TMEM62: variants seen among roughly 807,000 people sequenced by gnomAD.
The protein encoded by TMEM62 is transmembrane protein 62.
Under a neutral mutation model 70.4 loss-of-function variants are expected in TMEM62, and 41 were observed. That is an observed-to-expected ratio of 0.58 (90% CI 0.45 to 0.76). TMEM62 has a LOEUF of 0.76. Among genes scored for constraint, TMEM62 ranks in the 30% least tolerant of loss-of-function variants. The pLI is 0.00. For synonymous variants in TMEM62, 268 were observed against 291.0 expected (o/e 0.92, Z 0.80); for missense variants, 688 against 788.5 (o/e 0.87, Z 1.53).
At chr15:43,161,507 T>C (rs527539220) in intron 10 of TMEM62, among the ~76,000 whole-genome samples, 3 of 152,234 alleles carry the variant, frequency 2.0e-5, no homozygotes, top group East Asian at 3.9e-4. Context: ...AATTTAGAAA[T>C]AAAGTTAAAT....
At chr15:43,138,409 G>C (rs2035531335) in intron 3 of TMEM62, among the ~76,000 whole-genome samples, 165 bp from the exon 4 acceptor site, 3 of 152,116 alleles carry the variant, frequency 2.0e-5, no homozygotes, top group African/African-American at 7.2e-5. Flanking sequence ...CCCTCTCCTA[G>C]TCCTCCCACT....
At position 43,163,282 on chromosome 15, in the gene TMEM62, G is replaced by A. The variant is rs902860428; in HGVS notation, c.1296+2488G>A. Among the ~76,000 whole-genome samples, 16 of 151,784 alleles carry A rather than the reference G, an allele frequency of 1.1e-4. 1 individual carries two copies. The highest frequency in any genetic ancestry group is 3.8e-4 in the East Asian group (2 of 5,196). On this transcript the variant is annotated intron_variant, in intron 10 of 13. Coordinates refer to ENST00000260403, the MANE Select transcript of TMEM62 (RefSeq NM_024956.4). ...AGATAGGTTTAGTGTATATTCTCACGGACTTAAAATGTGAGATCATTATTA... is the reference window on the plus strand; with the variant it reads ...AGATAGGTTTAGTGTATATTCTCACAGACTTAAAATGTGAGATCATTATTA...
chr15:43,137,028 C>T (rs2035321994), intron 3 of TMEM62, among the ~76,000 whole-genome samples: 2 of 152,148 alleles, frequency 1.3e-5, no homozygotes, highest in African/African-American at 2.4e-5. Context: ...GCTGGGATTA[C>T]AGGTGTGAGT....
chr15:43,175,738 C>G (rs1246030058), intron 11 of TMEM62, among the ~76,000 whole-genome samples: 2 of 152,238 alleles, frequency 1.3e-5, no homozygotes, highest in East Asian at 1.9e-4. Flanking sequence ...CCGGTCTACA[C>G]CTCCCAGCGT....
At chr15:43,167,650 A>T (rs2039672755) in intron 10 of TMEM62, among the ~76,000 whole-genome samples, 1 of 146,400 alleles carries the variant, frequency 6.8e-6, no homozygotes, top group African/African-American at 2.6e-5. Flanking sequence ...CTGGGCAGCC[A>T]GGCAGAGGGG....
rs1433518459 is a variant in TMEM62 at position 43,154,848 on chromosome 15, T to C, written c.1182+17T>C. 1.3e-6 allele frequency: 2 copies of C among 1,571,332 alleles called. No homozygotes were observed. The highest frequency in any genetic ancestry group is 1.9e-5 in the Admixed American group (1 of 53,016). ...ATCGTCCAGGTAAGTTAGTAATTTATATTTACTATGTAAATGATTAAGCTG... is the reference window on the plus strand; with the variant it reads ...ATCGTCCAGGTAAGTTAGTAATTTACATTTACTATGTAAATGATTAAGCTG... On this transcript the variant is annotated intron_variant, in intron 9 of 13. Coordinates refer to ENST00000260403, the MANE Select transcript of TMEM62 (RefSeq NM_024956.4).
In TMEM62 at chr15:43,184,752, C is replaced by G; in HGVS notation, c.*166C>G. ...TTGGAGGGATTACCCACTACTGATA[C>G]CTGCAGAATGGACTGCAGAAAAGTC... On this transcript the variant is annotated 3_prime_UTR_variant, in exon 14 of 14. Transcript: ENST00000260403. 1 of 617,812 alleles carries G rather than the reference C, an allele frequency of 1.6e-6. No homozygotes were observed. The highest frequency in any genetic ancestry group is 2.8e-6 in the Non-Finnish European group (1 of 353,594). 38.3% of individuals were successfully genotyped at this position (617,812 alleles called of 1,614,324 possible). A position where few individuals can be genotyped will look rare whatever the true frequency, so the allele number is the denominator to read the frequency against.
chr15:43,161,788 G>A (rs1567213444), intron 10 of TMEM62, among the ~76,000 whole-genome samples: 1 of 152,004 alleles, frequency 6.6e-6, no homozygotes, highest in Non-Finnish European at 1.5e-5. Context: ...AGCCTCCTGA[G>A]TAGCTGGGAT....
rs144558639 is a variant in TMEM62, at chr15:43,175,902, A to G, written c.1382-2705A>G. On this transcript the variant is annotated intron_variant, in intron 11 of 13. Transcript: ENST00000260403. Reference sequence around the variant, plus strand: ...AGGCATTGCCTCACTCGGGAAGCGCAAGGGGTCGGGGAGTTCCCTTTCCTA... The same window carrying G: ...AGGCATTGCCTCACTCGGGAAGCGCGAGGGGTCGGGGAGTTCCCTTTCCTA... 9.0e-3 allele frequency among the ~76,000 whole-genome samples: 1,376 copies of G among 152,306 alleles called. 24 individuals carry two copies. The highest frequency in any genetic ancestry group is 0.032 in the African/African-American group (1,314 of 41,572).
In TMEM62 at chr15:43,184,813, G is replaced by A; in HGVS notation, c.*227G>A. ...TGCCTTTATTCCTTCCCTCCCTAAG[G>A]AGGCAAAGAGTTGATTTACCTTTGT... On this transcript the variant is annotated 3_prime_UTR_variant, in exon 14 of 14. Coordinates refer to ENST00000260403, the MANE Select transcript of TMEM62 (RefSeq NM_024956.4). The A allele has an allele frequency of 3.5e-6, 2 of 567,132 alleles. No homozygotes were observed. Among genetic ancestry groups the A allele is most frequent in the East Asian group, 2.9e-5 (1 of 34,912 alleles). The allele number at this position is 567,132 out of a possible 1,614,324, so 35.1% of individuals were successfully genotyped here. A position where few individuals can be genotyped will look rare whatever the true frequency, so the allele number is the denominator to read the frequency against.
rs778908253 is a variant in TMEM62, at chr15:43,151,950, G to A, written c.1022+5G>A. On this transcript the variant is annotated splice_donor_5th_base_variant and intron_variant, in intron 8 of 13. Transcript: ENST00000260403. ...TCTTCACTCAACACACATCAGGTAT[G>A]TAGCAATTTTTTAGAATTTACTTTC... 6.3e-7 allele frequency: 1 copy of A among 1,584,440 alleles called. No individual in the cohort carries two copies. Among genetic ancestry groups the A allele is most frequent in the Non-Finnish European group, 8.6e-7 (1 of 1,167,242 alleles).
chr15:43,168,206 AGAGGGAGAGGGG>A (rs1400078129), intron 10 of TMEM62, among the ~76,000 whole-genome samples: 1 of 147,500 alleles, frequency 6.8e-6, no homozygotes, highest in African/African-American at 2.6e-5. Context: ...AGGGAGAGGG[AGAGGGAGAGGGG>A]TCTTTTGTTT....
At chr15:43,183,566 G>A (rs1222333614) in intron 13 of TMEM62, among the ~76,000 whole-genome samples, 1 of 151,952 alleles carries the variant, frequency 6.6e-6, no homozygotes, top group South Asian at 2.1e-4. Flanking sequence ...TGGCCTCTGA[G>A]AGCCTTTCTC....
intron 7 of TMEM62, 90 bp downstream of exon 7, chr15:43,149,241 A>G: frequency 7.4e-7 from 1 of 1,347,026 alleles, no homozygotes; most frequent in Non-Finnish European, 1.0e-6. Context: ...GGGTGATCAC[A>G]GTTAAAGAAA....
intron 4 of TMEM62, among the ~76,000 whole-genome samples, chr15:43,139,171 T>G (rs1208608486): frequency 2.0e-5 from 3 of 152,184 alleles, no homozygotes; most frequent in African/African-American, 7.2e-5. Flanking sequence ...CATTATATCT[T>G]TTATGGTGAT....
At position 43,184,537 on chromosome 15, in the gene TMEM62, C is replaced by T; in HGVS notation, c.1883C>T (p.Thr628Ile). ...CGTTATGTGTGGACACTGAACTCCACCAAGTTTGGAATCTTCATGGTGCAG... is the reference window on the plus strand; with the variant it reads ...CGTTATGTGTGGACACTGAACTCCATCAAGTTTGGAATCTTCATGGTGCAG... ...LIRYVWTLNS[T>I]KFGIFMVQLK... The change falls in exon 14 of 14, where the codon ACC becomes ATC. Residue 628 changes from threonine to isoleucine, a missense_variant. Coordinates refer to ENST00000260403, the MANE Select transcript of TMEM62 (RefSeq NM_024956.4). 1 of 1,612,832 alleles carries T rather than the reference C, an allele frequency of 6.2e-7. No homozygotes were observed. The highest frequency in any genetic ancestry group is 8.5e-7 in the Non-Finnish European group (1 of 1,180,024).
intron 11 of TMEM62, among the ~76,000 whole-genome samples, chr15:43,173,321 C>G (rs1048723790): frequency 7.9e-5 from 12 of 152,214 alleles, no homozygotes; most frequent in Non-Finnish European, 1.5e-4. Flanking sequence ...GCTCTTATAT[C>G]CAGTCTCTCT....
chr15:43,163,024 T>G (rs951774016), intron 10 of TMEM62, among the ~76,000 whole-genome samples: 1 of 151,742 alleles, frequency 6.6e-6, no homozygotes, highest in African/African-American at 2.4e-5. Context: ...TATTTTGGTA[T>G]GCTTGGCACA....
intron 9 of TMEM62, among the ~76,000 whole-genome samples, chr15:43,155,333 C>CA (rs989803691): frequency 6.6e-6 from 1 of 151,180 alleles, no homozygotes; most frequent in Admixed American, 6.6e-5. Context: ...CGCATCTCAA[C>CA]AAAAAAATAA....
Sources: gnomAD v4.1 joint callset for allele counts (sites outside exome capture counted in the v4.1 genomes callset) on GRCh38, gnomAD v4.1.1 for gene constraint, MANE v1.5 for transcripts, NCBI Gene and HGNC (gene_info 2026-07-23, HGNC 2026-07-21) for gene names.